Variants in KLHDC4 observed in about 807,000 individuals in gnomAD.
The protein encoded by KLHDC4 is kelch domain containing 4.
Under a neutral mutation model 62.4 loss-of-function variants are expected in KLHDC4, and 90 were observed. That is an observed-to-expected ratio of 1.44 (90% CI 1.22 to 1.72). The LOEUF (loss-of-function observed/expected upper bound fraction) is 1.72. Among genes scored for constraint, KLHDC4 ranks in the 40% most tolerant of loss-of-function variants. The pLI, the probability that KLHDC4 is intolerant of heterozygous loss-of-function variation, is 0.00. For missense variants in KLHDC4, 1,025 were observed against 699.7 expected (o/e 1.47, Z -5.25); for synonymous variants, 386 against 284.4 (o/e 1.36, Z -3.59).
At chr16:87,710,105 C>T (rs2035496183) in intron 9 of KLHDC4, 1 of 167,966 alleles carries the variant, frequency 6.0e-6, no homozygotes, top group African/African-American at 2.4e-5. Context: ...GACAGACGGT[C>T]AGGCCCACAA....
chr16:87,765,182 G>A (rs1031530613), intron 1 of KLHDC4: 1 of 455,930 alleles, frequency 2.2e-6, no homozygotes, highest in African/African-American at 2.0e-5. Context: ...CCAAGGTCAG[G>A]ACGGATCCTC....
intron 5 of KLHDC4, among the ~76,000 whole-genome samples, chr16:87,736,452 G>C (rs557741750): frequency 1.3e-5 from 2 of 152,306 alleles, no homozygotes; most frequent in East Asian, 1.9e-4. Flanking sequence ...TGAGAGTCTA[G>C]TGGCTCATCC....
intron 7 of KLHDC4, among the ~76,000 whole-genome samples, chr16:87,721,989 G>C (rs1306581232): frequency 6.6e-6 from 1 of 152,090 alleles, no homozygotes; most frequent in African/African-American, 2.4e-5. Flanking sequence ...GAGCTGTGCT[G>C]GTTCCCTGAC....
intron 2 of KLHDC4, chr16:87,757,313 G>T (rs1257293226): frequency 6.6e-6 from 1 of 151,488 alleles, no homozygotes; most frequent in Non-Finnish European, 1.5e-5. Flanking sequence ...ACTAAAAATA[G>T]AAAAATTAGC....
intron 4 of KLHDC4, chr16:87,751,034 T>C (rs1416761733): frequency 1.3e-5 from 2 of 152,206 alleles, no homozygotes; most frequent in African/African-American, 2.4e-5. Flanking sequence ...GGCACAACCA[T>C]GCCACACAGT....
exon 1 of KLHDC4, chr16:87,701,762 C>T (rs1202919476): frequency 1.8e-5 from 8 of 456,818 alleles, no homozygotes; most frequent in Middle Eastern, 6.5e-4. Context: ...TCCTCCCAAG[C>T]GTGCACACCC....
At chr16:87,732,377 T>C (rs961370480) in intron 5 of KLHDC4, among the ~76,000 whole-genome samples, 2 of 152,210 alleles carry the variant, frequency 1.3e-5, no homozygotes, top group African/African-American at 4.8e-5. Context: ...ATTACAGGCA[T>C]GAGCCACCGC....
At chr16:87,699,706 A>G (rs1368144941) in exon 1 of KLHDC4, 1 of 152,180 alleles carries the variant, frequency 6.6e-6, no homozygotes, top group Non-Finnish European at 1.5e-5. Context: ...CAAAAACAAG[A>G]TACACACTGT....
chr16:87,718,882 G>A (rs551485512), intron 7 of KLHDC4, among the ~76,000 whole-genome samples: 208 of 149,126 alleles, frequency 1.4e-3, no homozygotes, highest in African/African-American at 4.9e-3. Flanking sequence ...CCGCGACCCC[G>A]TCTGGGAACT....
chr16:87,714,393 G>T, intron 8 of KLHDC4, 105 bp downstream of exon 8: 1 of 1,370,238 alleles, frequency 7.3e-7, no homozygotes, highest in Non-Finnish European at 9.6e-7. Context: ...TCCGGGCAGG[G>T]TGCAGGGGCT....
downstream of KLHDC4, among the ~76,000 whole-genome samples, chr16:87,703,640 G>A (rs1184892492): frequency 6.6e-6 from 1 of 152,178 alleles, no homozygotes; most frequent in Non-Finnish European, 1.5e-5. Context: ...GCCTCTAAAG[G>A]TGGGTCCCCT....
Position 87,707,972 on chromosome 16 carries a change from T to C in KLHDC4, c.*105A>G. 2.1e-6 allele frequency: 1 copy of C among 472,922 alleles called. No homozygotes were observed. The highest frequency in any genetic ancestry group is 3.1e-4 in the Middle Eastern group (1 of 3,178). 29.3% of individuals were successfully genotyped at this position (472,922 alleles called of 1,614,324 possible). On this transcript the variant is annotated 3_prime_UTR_variant, in exon 12 of 12. Transcript: ENST00000270583. ...GGGCCACCCACCTTCAGCTCTCTCC[T>C]GTGCGTCAGGACGCACGCTGGCCCC...
At chr16:87,710,571 G>GAA (rs1034432252) in intron 9 of KLHDC4, 5 of 152,294 alleles carry the variant, frequency 3.3e-5, no homozygotes, top group African/African-American at 1.2e-4. Context: ...AGCCACAGGG[G>GAA]AAACCTGTGT....
chr16:87,716,422 G>A (rs372845917), intron 7 of KLHDC4, among the ~76,000 whole-genome samples: 3 of 152,134 alleles, frequency 2.0e-5, no homozygotes, highest in African/African-American at 7.2e-5. Flanking sequence ...TTGTTGCTCG[G>A]GTTGTTCAAC....
chr16:87,739,143 T>C (rs1265090311), intron 5 of KLHDC4, among the ~76,000 whole-genome samples: 82 of 89,502 alleles, frequency 9.2e-4, no homozygotes, highest in East Asian at 2.1e-3. Flanking sequence ...ACCTCATCCA[T>C]CCACACACCA....
intron 10 of KLHDC4, 81 bp downstream of exon 10, chr16:87,709,184 C>T (rs1361031768): frequency 4.6e-6 from 7 of 1,520,702 alleles, no homozygotes; most frequent in Admixed American, 1.8e-5. Flanking sequence ...GGGCAGCTTG[C>T]AGGGCTTGCT....
At chr16:87,745,166 G>A (rs760080131) in intron 5 of KLHDC4, among the ~76,000 whole-genome samples, 1 of 152,214 alleles carries the variant, frequency 6.6e-6, no homozygotes, top group Non-Finnish European at 1.5e-5. Context: ...GCCACCCACT[G>A]AGCGGTGGGG....
intron 1 of KLHDC4, among the ~76,000 whole-genome samples, chr16:87,764,426 C>T (rs961728775): frequency 2.0e-5 from 3 of 151,810 alleles, no homozygotes; most frequent in African/African-American, 7.3e-5. Flanking sequence ...GAGGCGAGCG[C>T]ATCACCTGAG....
At position 87,709,398 on chromosome 16, in the gene KLHDC4, A is replaced by G. The variant is rs1386235084; in HGVS notation, c.1314T>C (p.Ala438=). The G allele has an allele frequency of 6.2e-7, 1 of 1,613,366 alleles. No homozygotes were observed. Among genetic ancestry groups the G allele is most frequent in the Non-Finnish European group, 8.5e-7 (1 of 1,179,922 alleles). The change falls in exon 10 of 12, where the codon GCT becomes GCC. Residue 438 remains alanine, a synonymous_variant. Transcript: ENST00000270583. Reference sequence around the variant, plus strand: ...AGACGTAGAGCACCCCATGCTTCACAGCCAGCATGGCGTTGGAGCGTGGAC... The same window carrying G: ...AGACGTAGAGCACCCCATGCTTCACGGCCAGCATGGCGTTGGAGCGTGGAC... The part of the protein sequence containing the change: ...GPCPRSNAML[A]VKHGVLYVYG...
Sources: gnomAD v4.1 joint callset for allele counts (sites outside exome capture counted in the v4.1 genomes callset) on GRCh38, gnomAD v4.1.1 for gene constraint, MANE v1.5 for transcripts, NCBI Gene and HGNC (gene_info 2026-07-23, HGNC 2026-07-21) for gene names.